ZNF768: variants seen among roughly 807,000 people sequenced by gnomAD.
ZNF768 encodes the protein zinc finger protein 768.
Under a neutral mutation model 39.7 loss-of-function variants are expected in ZNF768, and 12 were observed. The ratio of observed to expected loss-of-function variants is 0.30; its 90% CI spans 0.19 to 0.49. ZNF768 has a LOEUF of 0.49. Among genes scored for constraint, ZNF768 ranks in the 20% least tolerant of loss-of-function variants. The pLI is 0.99. For synonymous variants in ZNF768, 360 were observed against 288.4 expected, an observed-to-expected ratio of 1.25 and a Z score of -2.52; for missense variants, 613 against 723.2, an observed-to-expected ratio of 0.85 and a Z score of 1.75.
At chr16:30,527,466 A>C, upstream of ZNF768, 2 of 325,532 alleles carry the variant, frequency 6.1e-6, no homozygotes, top group Non-Finnish European at 8.8e-6. Context: ...CGCCTCCTCC[A>C]ACCCCGCGGA....
upstream of ZNF768, chr16:30,528,063 C>G (rs1346594127): frequency 6.6e-6 from 1 of 152,114 alleles, no homozygotes; most frequent in Admixed American, 6.6e-5. Flanking sequence ...ACAAGTTTGG[C>G]AGCGTTCTTG....
In ZNF768 at chr16:30,526,339, T is replaced by C. The variant is rs143436335; in HGVS notation, c.75A>G (p.Glu25=). ...CTCCCTCCTCACCTCTGAGGTACCC[T>C]TCGGGGCTCCTCATTTCGTCAGAAC... The part of the protein sequence containing the change: ...VQSSDEMRSP[E]GYLRGNMSEN... The change falls in exon 1 of 2, where the codon GAA becomes GAG. Residue 25 remains glutamate, a synonymous_variant. Transcript: ENST00000380412. The C allele has an allele frequency of 3.2e-5, 52 of 1,608,622 alleles. No homozygotes were observed. The highest frequency in any genetic ancestry group is 4.2e-5 in the Non-Finnish European group (50 of 1,178,000).
upstream of ZNF768, among the ~76,000 whole-genome samples, chr16:30,528,748 T>C (rs2051348390): frequency 6.6e-6 from 1 of 152,136 alleles, no homozygotes; most frequent in South Asian, 2.1e-4. Context: ...TCAAACAGCC[T>C]ACAAGAGGAC....
At chr16:30,531,230 T>G (rs559688142), upstream of ZNF768, 1 of 152,294 alleles carries the variant, frequency 6.6e-6, no homozygotes, top group South Asian at 2.1e-4. Context: ...CAGGAGCTGA[T>G]GGGATGAGTG....
chr16:30,524,961 C>T lies in ZNF768; in HGVS notation c.1179G>A (p.Arg393=), dbSNP rs780124084. ...SQNSSLRSHQ[R]VHTGQRPFSC... is the part of the protein sequence containing the mutation. ...TGAAGGGCCTCTGACCGGTGTGCAC[C>T]CTCTGATGGCTGCGCAGGGACGAGT... The change falls in exon 2 of 2, where the codon AGG becomes AGA. Residue 393 remains arginine, a synonymous_variant. Coordinates refer to ENST00000380412, the MANE Select transcript of ZNF768 (RefSeq NM_024671.4). 1.2e-6 allele frequency: 2 copies of T among 1,613,676 alleles called. No individual in the cohort carries two copies. The highest frequency in any genetic ancestry group is 1.7e-6 in the Non-Finnish European group (2 of 1,179,920).
rs769673360 is a variant in ZNF768 at position 30,524,475 on chromosome 16, T to G, written c.*42A>C. On this transcript the variant is annotated 3_prime_UTR_variant, in exon 2 of 2. Transcript: ENST00000380412. ...AAGGTTCCTCTAGCTCCCTGGCCCC[T>G]TATCTTCTGCCCACACCTCCCACCC... 1 of 1,568,404 alleles carries G rather than the reference T, an allele frequency of 6.4e-7. No homozygotes were observed. The highest frequency in any genetic ancestry group is 8.6e-7 in the Non-Finnish European group (1 of 1,163,550).
upstream of ZNF768, among the ~76,000 whole-genome samples, chr16:30,528,905 C>T (rs377505144): frequency 4.6e-4 from 70 of 152,322 alleles, no homozygotes; most frequent in African/African-American, 1.7e-3. Flanking sequence ...AGCAGCCACA[C>T]CCTAAAAATG....
At position 30,524,738 on chromosome 16, in the gene ZNF768, G is replaced by A; in HGVS notation, c.1402C>T (p.Arg468Cys). The A allele has an allele frequency of 6.2e-7, 1 of 1,612,200 alleles. No homozygotes were observed. The highest frequency in any genetic ancestry group is 8.5e-7 in the Non-Finnish European group (1 of 1,179,496). ...SCPDCGKTFN[R>C]SSTLIQHQRS... ...TGGTGCTGGATGAGAGTGGAGGAGC[G>A]ATTGAAGGTCTTGCCGCAGTCGGGG... Residue 468 changes from arginine (R) to cysteine (C), a missense_variant, in exon 2 of 2, where the codon CGC becomes TGC. Around this residue, in one of 4 missense-constraint regions of ZNF768, gnomAD observed 204 missense variants for 281.7 expected, o/e 0.72. Transcript: ENST00000380412.
Position 30,525,021 on chromosome 16 carries a change from G to A in ZNF768, c.1119C>T (p.Tyr373=), listed in dbSNP as rs2051308082. 2.5e-6 allele frequency: 4 copies of A among 1,614,156 alleles called. No homozygotes were observed. The highest frequency in any genetic ancestry group is 3.4e-6 in the Non-Finnish European group (4 of 1,180,022). Residue 373 remains tyrosine (Y), a synonymous_variant, in exon 2 of 2, where the codon TAC becomes TAT. Transcript: ENST00000380412. The part of the protein sequence containing the change: ...HQRTHSHERP[Y]SCTECGKCYS... ...AGCACTTGCCGCACTCGGTGCAGCT[G>A]TAGGGCCGCTCGTGGCTGTGGGTGC... is the stretch of plus-strand genomic sequence containing the variant.
upstream of ZNF768, chr16:30,526,987 G>A (rs1341166040): frequency 3.0e-6 from 3 of 985,376 alleles, no homozygotes; most frequent in East Asian, 2.3e-4. Context: ...CAGTGTGTGT[G>A]CCTATGTTCT....
upstream of ZNF768, chr16:30,527,282 C>G: frequency 1.0e-6 from 1 of 986,370 alleles, no homozygotes; most frequent in Non-Finnish European, 1.2e-6. Flanking sequence ...GCGCCCGCTC[C>G]CGTTCCTCCG....
rs2151215307 is a variant in ZNF768 at position 30,526,003 on chromosome 16, C to G, written c.137G>C (p.Ser46Thr). The change falls in exon 2 of 2, where the codon AGT becomes ACT. Residue 46 changes from serine (S) to threonine (T), a missense_variant. Physicochemically the swap from Ser to Thr is moderately conservative, Grantham distance 58. Around this residue, in one of 4 missense-constraint regions of ZNF768, gnomAD observed 347 missense variants for 326.1 expected, o/e 1.06. Coordinates refer to ENST00000380412, the MANE Select transcript of ZNF768 (RefSeq NM_024671.4). Reference protein sequence around the residue: ...EEEEISQQEGSGDYEVEEIPF... With the variant: ...EEEEISQQEGTGDYEVEEIPF... ...TATCTCTTCGACTTCATAGTCCCCA[C>G]TGCCTTCTTGCTGAGAAATTTCCTC... 6.7e-7 allele frequency: 1 copy of G among 1,499,324 alleles called. No individual in the cohort carries two copies. The highest frequency in any genetic ancestry group is 8.9e-7 in the Non-Finnish European group (1 of 1,127,480). The allele number at this position is 1,499,324 out of a possible 1,614,324, so 92.9% of individuals were successfully genotyped here. A position where few individuals can be genotyped will look rare whatever the true frequency, so the allele number is the denominator to read the frequency against.
upstream of ZNF768, among the ~76,000 whole-genome samples, chr16:30,528,600 C>T (rs1273066921): frequency 6.6e-6 from 1 of 152,132 alleles, no homozygotes; most frequent in Non-Finnish European, 1.5e-5. Flanking sequence ...AGAGCTTATG[C>T]CACGAATGAA....
chr16:30,525,344 A>C lies in ZNF768; in HGVS notation c.796T>G (p.Cys266Gly). The part of the protein sequence containing the change: ...QGPRPNICGI[C>G]GKSFGRGSTL... Reference sequence around the variant, plus strand: ...GAGCCCCGCCCGAAGCTCTTCCCGCAGATGCCACAGATGTTAGGCCGAGGG... The same window carrying C: ...GAGCCCCGCCCGAAGCTCTTCCCGCCGATGCCACAGATGTTAGGCCGAGGG... Residue 266 changes from cysteine to glycine, a missense_variant, in exon 2 of 2, where the codon TGC (cysteine) becomes GGC (glycine). Cys to Gly is a radical substitution (Grantham distance 159, BLOSUM62 -3). Transcript: ENST00000380412. 1 of 1,614,126 alleles carries C rather than the reference A, an allele frequency of 6.2e-7. No homozygotes were observed. The highest frequency in any genetic ancestry group is 8.5e-7 in the Non-Finnish European group (1 of 1,179,966).
chr16:30,527,010 C>T (rs1262577354), upstream of ZNF768: 20 of 985,362 alleles, frequency 2.0e-5, no homozygotes, highest in Non-Finnish European at 2.3e-5. Context: ...GTCTCCGTCC[C>T]TCCAGAGGCC....
chr16:30,529,484 C>T (rs2051352583), upstream of ZNF768, among the ~76,000 whole-genome samples: 1 of 152,238 alleles, frequency 6.6e-6, no homozygotes, highest in South Asian at 2.1e-4. Context: ...TCCGTATGCA[C>T]TGCTCCCTTC....
Position 30,525,523 on chromosome 16 carries a change from G to A in ZNF768, c.617C>T (p.Pro206Leu). ...TGGCCCTATGGGCAGGTCCCCTGTGGGCTGCTCCCCAAACCCCTGAGTGAA... is the reference window on the plus strand; with the variant it reads ...TGGCCCTATGGGCAGGTCCCCTGTGAGCTGCTCCCCAAACCCCTGAGTGAA... ...DSFTQGFGEQ[P>L]TGDLPIGPPF... is the part of the protein sequence containing the mutation. The change falls in exon 2 of 2, where the codon CCC becomes CTC. Residue 206 changes from proline to leucine, a missense_variant. Physicochemically the swap from Pro to Leu is moderately conservative, Grantham distance 98. Transcript: ENST00000380412. 1 of 1,614,166 alleles carries A rather than the reference G, an allele frequency of 6.2e-7. No individual in the cohort carries two copies. The highest frequency in any genetic ancestry group is 1.1e-5 in the South Asian group (1 of 91,088).
chr16:30,527,016 A>G (rs928607755), upstream of ZNF768: 120 of 985,032 alleles, frequency 1.2e-4, no homozygotes, highest in African/African-American at 2.0e-3. Flanking sequence ...GTCCCTCCAG[A>G]GGCCCGTCTG....
rs781378936 is a variant in ZNF768, at chr16:30,526,374, C to T, written c.40G>A (p.Asp14Asn). ...EALPWGLEPQ[D>N]VQSSDEMRSP... is the part of the protein sequence containing the mutation. Reference sequence around the variant, plus strand: ...CTCATTTCGTCAGAACTCTGCACATCCTGGGGCTCGAGGCCCCACGGCAAC... The same window carrying T: ...CTCATTTCGTCAGAACTCTGCACATTCTGGGGCTCGAGGCCCCACGGCAAC... Residue 14 changes from aspartate (D) to asparagine (N), a missense_variant, in exon 1 of 2, where the codon GAT (aspartate) becomes AAT (asparagine). Around this residue, in one of 4 missense-constraint regions of ZNF768, gnomAD observed 347 missense variants for 326.1 expected, o/e 1.06. Transcript: ENST00000380412. 6 of 1,602,386 alleles carry T rather than the reference C, an allele frequency of 3.7e-6. No individual in the cohort carries two copies. The highest frequency in any genetic ancestry group is 1.4e-5 in the African/African-American group (1 of 73,706).
Sources: gnomAD v4.1 joint callset for allele counts (sites outside exome capture counted in the v4.1 genomes callset) on GRCh38, gnomAD v4.1.1 for gene constraint, gnomAD v4.1.1 regional missense constraint, MANE v1.5 for transcripts, NCBI Gene and HGNC (gene_info 2026-07-23, HGNC 2026-07-21) for gene names.